The following ABCA8 variants were observed in gnomAD, a reference collection of about 807,000 sequenced individuals.
ABCA8 encodes the protein ATP binding cassette subfamily A member 8.
Under a neutral mutation model 192.3 loss-of-function variants are expected in ABCA8, and 177 were observed. That is an observed-to-expected ratio of 0.92 (90% CI 0.81 to 1.04). ABCA8 has a LOEUF of 1.04. Ranked by LOEUF, ABCA8 falls within the 50% of genes least tolerant of loss-of-function variation. The pLI, the probability that ABCA8 is intolerant of heterozygous loss-of-function variation, is 0.00. For missense variants in ABCA8, 1,915 were observed against 1,904.8 expected, an observed-to-expected ratio of 1.01 and a Z score of -0.10; for synonymous variants, 642 against 690.2, an observed-to-expected ratio of 0.93 and a Z score of 1.09.
chr17:68,942,167 G>T, intron 2 of ABCA8, 128 bp from the exon 3 acceptor site: 1 of 658,310 alleles, frequency 1.5e-6, no homozygotes, highest in Non-Finnish European at 2.6e-6. Context: ...GAGTCTGAGT[G>T]TTCCCAAGTC....
chr17:68,883,948 C>T lies in ABCA8; in HGVS notation c.3616-66G>A. 4.1e-6 allele frequency: 4 copies of T among 968,556 alleles called. No individual in the cohort carries two copies. In the Admixed American group the frequency reaches 8.8e-5, roughly 21 times the overall value. 60.0% of individuals were successfully genotyped at this position (968,556 alleles called of 1,614,324 possible). ...ATAATTGTTCAATATCAAAGATATA[C>T]TAATAATAACCGAACTTCTAAAAAA... On this transcript the variant is annotated intron_variant, in intron 28 of 39. Coordinates refer to ENST00000586539, the MANE Select transcript of ABCA8 (RefSeq NM_001288985.2).
At chr17:68,947,169 A>G (rs1282579982) in intron 2 of ABCA8, among the ~76,000 whole-genome samples, 1 of 152,190 alleles carries the variant, frequency 6.6e-6, no homozygotes, top group Non-Finnish European at 1.5e-5. Context: ...AGATATAATT[A>G]AAATGTTTAT....
chr17:68,877,348 A>G (rs373914522), intron 33 of ABCA8, 171 bp downstream of exon 33: 175 of 573,054 alleles, frequency 3.1e-4, no homozygotes, highest in African/African-American at 2.9e-3. Context: ...AATATGAGAA[A>G]GAAACTTAAT....
intron 37 of ABCA8, among the ~76,000 whole-genome samples, chr17:68,874,584 A>T (rs548027699): frequency 2.0e-5 from 3 of 152,304 alleles, no homozygotes; most frequent in African/African-American, 7.2e-5. Context: ...CTGGACATTG[A>T]ATTATAGCAT....
At position 68,922,215 on chromosome 17, in the gene ABCA8, T is replaced by C. The variant is rs2067560300; in HGVS notation, c.1501+27A>G. 19 of 94,920 alleles carry C rather than the reference T, an allele frequency of 2.0e-4. 1 individual carries two copies. Among genetic ancestry groups the C allele is most frequent in the Non-Finnish European group, 1.9e-4 (10 of 51,548 alleles). 5.9% of individuals were successfully genotyped at this position (94,920 alleles called of 1,614,324 possible). ...CTCTCTTTTTTTTTTTTTTTTTTTTTTTTTTTTTTTTTTTTTTTTTTTTTA... is the reference window on the plus strand; with the variant it reads ...CTCTCTTTTTTTTTTTTTTTTTTTTCTTTTTTTTTTTTTTTTTTTTTTTTA... On this transcript the variant is annotated intron_variant, in intron 12 of 39. Transcript: ENST00000586539.
intron 17 of ABCA8, among the ~76,000 whole-genome samples, chr17:68,915,243 C>G (rs1181961422): frequency 6.6e-6 from 1 of 151,968 alleles, no homozygotes; most frequent in Non-Finnish European, 1.5e-5. Flanking sequence ...TTCTCTACCC[C>G]ACAAGCAGAG....
intron 21 of ABCA8, among the ~76,000 whole-genome samples, chr17:68,901,354 TGAC>T (rs1281637919): frequency 6.6e-6 from 1 of 152,188 alleles, no homozygotes. Context: ...GGTGTACAAT[TGAC>T]GAGTTATCAC....
intron 23 of ABCA8, among the ~76,000 whole-genome samples, chr17:68,893,447 T>C (rs2066662928): frequency 6.6e-6 from 1 of 152,220 alleles, no homozygotes; most frequent in Non-Finnish European, 1.5e-5. Flanking sequence ...GGGGAATTAA[T>C]ATTTTTGACA....
intron 15 of ABCA8, 78 bp downstream of exon 15, chr17:68,918,349 C>A: frequency 1.3e-6 from 2 of 1,508,942 alleles, no homozygotes; most frequent in South Asian, 1.3e-5. Context: ...ATGTCCTTTG[C>A]GAATAAAATA....
chr17:68,951,214 C>A (rs759356823), intron 1 of ABCA8, among the ~76,000 whole-genome samples: 10 of 152,164 alleles, frequency 6.6e-5, no homozygotes, highest in Non-Finnish European at 1.0e-4. Flanking sequence ...ATAAATGTGG[C>A]AATAGACCAT....
At chr17:68,877,414 G>T in intron 33 of ABCA8, 105 bp downstream of exon 33, 1 of 1,069,800 alleles carries the variant, frequency 9.3e-7, no homozygotes, top group Non-Finnish European at 1.3e-6. Flanking sequence ...TGTGACCTGG[G>T]TCAGCATTTA....
rs1433737131 is a variant in ABCA8, at chr17:68,867,616, A to G, written c.*469T>C. ...ATGACATTTAGTATTTTTAGCAATA[A>G]GAAGCACACTTAAATCTATTTCAAA... On this transcript the variant is annotated 3_prime_UTR_variant, in exon 40 of 40. Transcript: ENST00000586539. 1 of 152,410 alleles carries G rather than the reference A, an allele frequency of 6.6e-6. No homozygotes were observed. Among genetic ancestry groups the G allele is most frequent in the African/African-American group, 2.4e-5 (1 of 41,474 alleles). 9.4% of individuals were successfully genotyped at this position (152,410 alleles called of 1,614,324 possible). A position where few individuals can be genotyped will look rare whatever the true frequency, so the allele number is the denominator to read the frequency against.
At chr17:68,903,523 T>A (rs755915494) in intron 19 of ABCA8, 24 bp from the exon 20 acceptor site, 2 of 1,609,270 alleles carry the variant, frequency 1.2e-6, no homozygotes, top group Admixed American at 3.3e-5. Context: ...AATAAGCAAC[T>A]CATATGTACT....
rs74324410 is a variant in ABCA8, at chr17:68,930,754, G to A, written c.798-1052C>T. 7.4e-3 allele frequency among the ~76,000 whole-genome samples: 1,129 copies of A among 152,178 alleles called. 15 individuals are homozygous for A. The highest frequency in any genetic ancestry group is 0.025 in the African/African-American group (1,052 of 41,514). On this transcript the variant is annotated intron_variant, in intron 7 of 39. Coordinates refer to ENST00000586539, the MANE Select transcript of ABCA8 (RefSeq NM_001288985.2). ...TCTTTAGATTTCACTGCTCTGCTAC[G>A]TTTCCCTCCAGTATTAATTCAAACA... is the stretch of plus-strand genomic sequence containing the variant.
chr17:68,927,941 C>A lies in ABCA8; in HGVS notation c.1248G>T (p.Ala416=), dbSNP rs767524085. ...TTGGCAAAATTTTTTCAAAGTAAAT[C>A]GCCAATGCCAGATAGAGGCAAGTGT... ...AFDTCLYLAL[A]IYFEKILPNE... is the part of the protein sequence containing the mutation. Residue 416 remains alanine, a synonymous_variant, in exon 10 of 40, where the codon GCG becomes GCT. Transcript: ENST00000586539. 1.2e-6 allele frequency: 2 copies of A among 1,601,374 alleles called. No homozygotes were observed. Among genetic ancestry groups the A allele is most frequent in the East Asian group, 2.3e-5 (1 of 44,416 alleles).
In ABCA8 at chr17:68,868,444, A is replaced by T. The variant is rs530189043; in HGVS notation, c.4712-88T>A. The T allele has an allele frequency of 7.8e-6, 9 of 1,150,500 alleles. No individual in the cohort carries two copies. In the African/African-American group the frequency reaches 9.4e-5, roughly 12 times the overall value. 71.3% of individuals were successfully genotyped at this position (1,150,500 alleles called of 1,614,324 possible). The stretch of plus-strand genomic sequence containing the variant: ...ATATAGTACAAATGATATATTTTTT[A>T]AAAATCTTAAATAGGTTAAGGTAAT... On this transcript the variant is annotated intron_variant, in intron 38 of 39. Coordinates refer to ENST00000586539, the MANE Select transcript of ABCA8 (RefSeq NM_001288985.2).
At chr17:68,910,046 T>G (rs926488939) in intron 17 of ABCA8, among the ~76,000 whole-genome samples, 2 of 152,164 alleles carry the variant, frequency 1.3e-5, no homozygotes, top group African/African-American at 4.8e-5. Context: ...TTTTAAACAA[T>G]AGAAGATTTA....
rs1251357502 is a variant in ABCA8, at chr17:68,924,849, G to A, written c.1294C>T (p.Pro432Ser). 6.2e-7 allele frequency: 1 copy of A among 1,613,984 alleles called. No homozygotes were observed. The highest frequency in any genetic ancestry group is 8.5e-7 in the Non-Finnish European group (1 of 1,179,948). The change falls in exon 11 of 40, where the codon CCA becomes TCA. Residue 432 changes from proline to serine, a missense_variant. Physicochemically the swap from Pro to Ser is moderately conservative, Grantham distance 74. Coordinates refer to ENST00000586539, the MANE Select transcript of ABCA8 (RefSeq NM_001288985.2). ...ILPNEYGHRR[P>S]PLFFLKSSFW... is the part of the protein sequence containing the mutation. ...GAGGACTTCAGGAAAAACAAAGGTG[G>A]ACGTCGATGTCCATATTCATCTACA...
At chr17:68,870,611 G>A (rs2143187167) in intron 37 of ABCA8, among the ~76,000 whole-genome samples, 1 of 152,258 alleles carries the variant, frequency 6.6e-6, no homozygotes, top group South Asian at 2.1e-4. Context: ...TTGTCTTTAT[G>A]TGACTGATTT....
Sources: allele counts gnomAD v4.1 joint callset (sites outside exome capture counted in the v4.1 genomes callset), GRCh38; gene constraint gnomAD v4.1.1; transcripts MANE v1.5; gene names NCBI Gene and HGNC (gene_info 2026-07-23, HGNC 2026-07-21).